Variants in NTNG1 observed in about 807,000 individuals in gnomAD.
NTNG1 encodes the protein netrin G1.
In NTNG1, 16 loss-of-function variants were observed where a neutral mutation model predicts 54.0. The ratio of observed to expected loss-of-function variants is 0.30; its 90% CI spans 0.20 to 0.45. NTNG1 has a LOEUF of 0.45. Ranked by LOEUF, NTNG1 falls within the 20% of genes least tolerant of loss-of-function variation. NTNG1 has a pLI of 1.00. For synonymous variants in NTNG1, 255 were observed against 263.1 expected, an observed-to-expected ratio of 0.97 and a Z score of 0.30; for missense variants, 530 against 678.7, an observed-to-expected ratio of 0.78 and a Z score of 2.43.
Position 107,431,864 on chromosome 1 carries a change from A to G in NTNG1, c.1255+947A>G, listed in dbSNP as rs906202910. Among the ~76,000 whole-genome samples the G allele has an allele frequency of 6.6e-5, 10 of 152,318 alleles. No individual in the cohort carries two copies. In the East Asian group the frequency reaches 1.9e-3, roughly 29 times the overall value. ...GACTTTTTCACATTGAGGTACGTTC[A>G]ATAGGATACACAAGCTGAATAATGA... is the stretch of plus-strand genomic sequence containing the variant. On this transcript the variant is annotated intron_variant, in intron 6 of 7. Coordinates refer to ENST00000370068, the MANE Select transcript of NTNG1 (RefSeq NM_001113226.3).
chr1:107,417,123 A>G (rs928609917), intron 5 of NTNG1, among the ~76,000 whole-genome samples: 82 of 152,232 alleles, frequency 5.4e-4, no homozygotes, highest in African/African-American at 1.9e-3. Context: ...GAAAAGCAAC[A>G]TTCAGTCAAT....
intron 2 of NTNG1, among the ~76,000 whole-genome samples, chr1:107,234,452 G>A: frequency 6.6e-6 from 1 of 152,004 alleles, no homozygotes; most frequent in East Asian, 1.9e-4. Flanking sequence ...GGAAATGTAT[G>A]TTCAGTGATA....
At chr1:107,305,583 T>C (rs778944923) in intron 2 of NTNG1, among the ~76,000 whole-genome samples, 2 of 151,360 alleles carry the variant, frequency 1.3e-5, no homozygotes, top group Non-Finnish European at 2.9e-5. Flanking sequence ...TTTGATGGGG[T>C]TATTTTTTTT....
chr1:107,480,530 A>G (rs933008859), intron 7 of NTNG1, 81 bp from the exon 8 acceptor site: 1 of 836,068 alleles, frequency 1.2e-6, no homozygotes, highest in Non-Finnish European at 1.9e-6. Context: ...GGCTGAAAAC[A>G]TGATGTACCA....
Position 107,312,467 on chromosome 1 carries a change from C to CACG in NTNG1, c.247-11814_247-11813insCGA, listed in dbSNP as rs1667071878. Among the ~76,000 whole-genome samples the CACG allele has an allele frequency of 4.6e-5, 7 of 151,942 alleles. No homozygotes were observed. In the South Asian group the frequency reaches 1.5e-3, roughly 32 times the overall value. ...TAGCATCATTAATTATATTGAATTT[C>CACG]AAGAAGTCAAGGCTCACAATGTGAA... On this transcript the variant is annotated intron_variant, in intron 2 of 7. Transcript: ENST00000370068.
chr1:107,377,750 G>A (rs1170877616), intron 3 of NTNG1, among the ~76,000 whole-genome samples: 2 of 152,228 alleles, frequency 1.3e-5, no homozygotes, highest in East Asian at 3.9e-4. Flanking sequence ...GAATAAGGCA[G>A]CATACATTGC....
intron 5 of NTNG1, 77 bp downstream of exon 5, chr1:107,407,785 C>T: frequency 8.0e-7 from 1 of 1,243,020 alleles, no homozygotes; most frequent in South Asian, 1.2e-5. Flanking sequence ...CTCCTCAGAT[C>T]TATTTTCCCA....
At chr1:107,437,404 C>G (rs1675672222) in intron 7 of NTNG1, among the ~76,000 whole-genome samples, 1 of 152,142 alleles carries the variant, frequency 6.6e-6, no homozygotes, top group Non-Finnish European at 1.5e-5. Context: ...CTTGAGATTA[C>G]CAGGTCTTCA....
At chr1:107,269,971 A>C (rs1274176080) in intron 2 of NTNG1, among the ~76,000 whole-genome samples, 1 of 152,228 alleles carries the variant, frequency 6.6e-6, no homozygotes, top group Non-Finnish European at 1.5e-5. Flanking sequence ...ATTTCTATTT[A>C]TGTTCCAAAT....
intron 3 of NTNG1, among the ~76,000 whole-genome samples, chr1:107,374,796 G>C (rs943354958): frequency 3.3e-5 from 5 of 151,900 alleles, no homozygotes; most frequent in African/African-American, 1.2e-4. Flanking sequence ...ATCTGGTTGA[G>C]TGTTGAGCCT....
intron 2 of NTNG1, among the ~76,000 whole-genome samples, chr1:107,155,544 T>A (rs1654925556): frequency 6.6e-6 from 1 of 152,118 alleles, no homozygotes; most frequent in Admixed American, 6.6e-5. Flanking sequence ...CCTCATTAGA[T>A]CTTATTGATT....
At chr1:107,203,001 T>TA (rs1658874062) in intron 2 of NTNG1, among the ~76,000 whole-genome samples, 1 of 152,024 alleles carries the variant, frequency 6.6e-6, no homozygotes, top group Admixed American at 6.6e-5. Context: ...TACCAAAATT[T>TA]AAAATTATTT....
chr1:107,477,147 C>G (rs1053774451), intron 7 of NTNG1, among the ~76,000 whole-genome samples: 2 of 152,194 alleles, frequency 1.3e-5, no homozygotes, highest in African/African-American at 4.8e-5. Context: ...CTGAAACCTG[C>G]ACCTCTAAGG....
At chr1:107,208,384 C>G (rs1659353216) in intron 2 of NTNG1, among the ~76,000 whole-genome samples, 1 of 145,764 alleles carries the variant, frequency 6.9e-6, no homozygotes, top group Admixed American at 7.0e-5. Flanking sequence ...GAGCCATGAT[C>G]ACACCACTGC....
intron 2 of NTNG1, among the ~76,000 whole-genome samples, chr1:107,227,627 G>A (rs1458358886): frequency 6.6e-6 from 1 of 151,570 alleles, no homozygotes; most frequent in East Asian, 1.9e-4. Context: ...TTTGGCTCAA[G>A]CTGGAAACAA....
Position 107,418,476 on chromosome 1 carries a change from A to G in NTNG1, c.1087+10768A>G, listed in dbSNP as rs954641772. 19 of 659,534 alleles carry G rather than the reference A, an allele frequency of 2.9e-5. No individual in the cohort carries two copies. In the East Asian group the frequency reaches 5.6e-4, roughly 19 times the overall value. 40.9% of individuals were successfully genotyped at this position (659,534 alleles called of 1,614,324 possible). On this transcript the variant is annotated intron_variant, in intron 5 of 7. Coordinates refer to ENST00000370068, the MANE Select transcript of NTNG1 (RefSeq NM_001113226.3). ...TTTAAGTGCATCACAGCCAAGTTAA[A>G]GAGCAGATGTGTGGTTTGTGTCTTT...
chr1:107,422,909 A>G (rs1277629202), intron 5 of NTNG1, among the ~76,000 whole-genome samples: 1 of 152,114 alleles, frequency 6.6e-6, no homozygotes, highest in Non-Finnish European at 1.5e-5. Flanking sequence ...GGGGAACAGT[A>G]AAAACGAGGA....
chr1:107,455,005 G>C (rs625926), intron 7 of NTNG1, among the ~76,000 whole-genome samples: 58,329 of 151,992 alleles, frequency 0.38, 11,428 homozygotes, highest in South Asian at 0.49. Context: ...AGCCTTGTAG[G>C]GAAGCAGAGG....
chr1:107,388,440 G>C (rs1294392187), intron 3 of NTNG1, among the ~76,000 whole-genome samples: 2 of 152,160 alleles, frequency 1.3e-5, no homozygotes, highest in Admixed American at 6.5e-5. Context: ...GCTGCCCATG[G>C]TCTAAATCCC....
Sources: allele counts gnomAD v4.1 joint callset (sites outside exome capture counted in the v4.1 genomes callset), GRCh38; gene constraint gnomAD v4.1.1; transcripts MANE v1.5; gene names NCBI Gene and HGNC (gene_info 2026-07-23, HGNC 2026-07-21).